NR3C1: variants seen among roughly 807,000 people sequenced by gnomAD.
The protein encoded by NR3C1 is nuclear receptor subfamily 3 group C member 1.
A neutral mutation model predicts 74.0 loss-of-function variants in NR3C1; 14 were observed. That is an observed-to-expected ratio of 0.19 (90% CI 0.12 to 0.30). NR3C1 has a LOEUF of 0.30. Ranked by LOEUF, NR3C1 falls within the 10% of genes least tolerant of loss-of-function variation. The probability of loss-of-function intolerance (pLI) is 1.00; values close to 1 mark genes in which losing one functional copy is unlikely to be tolerated. For missense variants in NR3C1, 695 were observed against 909.8 expected, an observed-to-expected ratio of 0.76 and a Z score of 3.04; for synonymous variants, 308 against 332.5, an observed-to-expected ratio of 0.93 and a Z score of 0.80.
chr5:143,333,721 T>C (rs1361720417), intron 2 of NR3C1, among the ~76,000 whole-genome samples: 1 of 152,080 alleles, frequency 6.6e-6, no homozygotes, highest in Non-Finnish European at 1.5e-5. Flanking sequence ...TGAGCCAAGA[T>C]TGCGCCAGTG....
chr5:143,280,584 G>A lies in NR3C1; in HGVS notation c.*1305C>T, dbSNP rs1812939266. 1 of 152,566 alleles carries A rather than the reference G, an allele frequency of 6.6e-6. No homozygotes were observed. The highest frequency in any genetic ancestry group is 2.1e-4 in the South Asian group (1 of 4,828). The allele number at this position is 152,566 out of a possible 1,614,324, so 9.5% of individuals were successfully genotyped here. On this transcript the variant is annotated 3_prime_UTR_variant, in exon 9 of 9. Coordinates refer to ENST00000394464, the MANE Select transcript of NR3C1 (RefSeq NM_000176.3). ...AACAGTGAAGAAATTCACAGGACTTGTGTTAAACTCTATGGCACACATTAG... is the reference window on the plus strand; with the variant it reads ...AACAGTGAAGAAATTCACAGGACTTATGTTAAACTCTATGGCACACATTAG...
At position 143,400,334 on chromosome 5, in the gene NR3C1, T is replaced by C; in HGVS notation, c.506A>G (p.His169Arg). The change falls in exon 2 of 9, where the codon CAT becomes CGT. Residue 169 changes from histidine (H) to arginine (R), a missense_variant. By Grantham distance (29) the His-to-Arg change is conservative. Transcript: ENST00000394464. ...THSDVSSEQQ[H>R]LKGQTGTNGG... ...GTTGGTGCCAGTCTGGCCCTTCAAA[T>C]GTTGCTGTTCTGAAGATACATCAGA... is the stretch of plus-strand genomic sequence containing the variant. The C allele has an allele frequency of 6.2e-7, 1 of 1,613,388 alleles. No homozygotes were observed. The highest frequency in any genetic ancestry group is 8.5e-7 in the Non-Finnish European group (1 of 1,179,516).
Position 143,285,154 on chromosome 5 carries a change from G to A in NR3C1, c.2024-2429C>T, listed in dbSNP as rs555538769. On this transcript the variant is annotated intron_variant, in intron 7 of 8. Coordinates refer to ENST00000394464, the MANE Select transcript of NR3C1 (RefSeq NM_000176.3). ...GCCTCCAGAAATCTGTACAGTCTTC[G>A]GCTGAATAAAAATTTGTGCATACTT... Among the ~76,000 whole-genome samples, 248 of 152,124 alleles carry A rather than the reference G, an allele frequency of 1.6e-3. 2 individuals are homozygous for A. Among genetic ancestry groups the A allele is most frequent in the Middle Eastern group, 0.01 (3 of 292 alleles).
chr5:143,408,829 C>T (rs1204963781), intron 1 of NR3C1, among the ~76,000 whole-genome samples: 1 of 152,064 alleles, frequency 6.6e-6, no homozygotes, highest in Non-Finnish European at 1.5e-5. Flanking sequence ...GAATAATTTT[C>T]GTGCAGATTT....
intron 2 of NR3C1, among the ~76,000 whole-genome samples, chr5:143,356,004 G>C (rs1382981679): frequency 6.6e-6 from 1 of 152,146 alleles, no homozygotes; most frequent in Non-Finnish European, 1.5e-5. Flanking sequence ...TAGAGACATA[G>C]AGTGTCTTTT....
chr5:143,343,637 C>T (rs1434948892), intron 2 of NR3C1, among the ~76,000 whole-genome samples: 1 of 152,226 alleles, frequency 6.6e-6, no homozygotes, highest in Admixed American at 6.5e-5. Flanking sequence ...ATATCCCTAA[C>T]CATCAGAATA....
Position 143,310,229 on chromosome 5 carries a change from G to A in NR3C1, c.1352-16C>T, listed in dbSNP as rs762445309. The stretch of plus-strand genomic sequence containing the variant: ...TTGTGCTGTCCTATATGGAATAAAA[G>A]GCACTATTAAAGTTTCACAGGTCTT... On this transcript the variant is annotated splice_polypyrimidine_tract_variant and intron_variant, in intron 3 of 8. Coordinates refer to ENST00000394464, the MANE Select transcript of NR3C1 (RefSeq NM_000176.3). 6.4e-7 allele frequency: 1 copy of A among 1,558,082 alleles called. No homozygotes were observed. The highest frequency in any genetic ancestry group is 2.2e-5 in the East Asian group (1 of 44,554).
intron 2 of NR3C1, among the ~76,000 whole-genome samples, chr5:143,376,277 G>A (rs1835173224): frequency 6.6e-6 from 1 of 152,230 alleles, no homozygotes; most frequent in Non-Finnish European, 1.5e-5. Flanking sequence ...CACAAATGCA[G>A]TTGGAACCAA....
At chr5:143,417,412 CTTA>C (rs1441264310) in intron 1 of NR3C1, among the ~76,000 whole-genome samples, 2 of 152,048 alleles carry the variant, frequency 1.3e-5, no homozygotes, top group Non-Finnish European at 2.9e-5. Context: ...CATTTATTTA[CTTA>C]TTAGGAGCTT....
intron 2 of NR3C1, among the ~76,000 whole-genome samples, chr5:143,356,603 T>C (rs1831185393): frequency 6.6e-6 from 1 of 152,100 alleles, no homozygotes; most frequent in Admixed American, 6.5e-5. Flanking sequence ...ATTTTGGAGT[T>C]TTGGTTCCTG....
At chr5:143,348,070 C>T (rs1829614261) in intron 2 of NR3C1, among the ~76,000 whole-genome samples, 1 of 152,166 alleles carries the variant, frequency 6.6e-6, no homozygotes, top group Admixed American at 6.5e-5. Flanking sequence ...CTTCAGTATT[C>T]ATCTCAGCTC....
At chr5:143,361,242 T>A (rs1053778687) in intron 2 of NR3C1, among the ~76,000 whole-genome samples, 1 of 152,204 alleles carries the variant, frequency 6.6e-6, no homozygotes, top group Non-Finnish European at 1.5e-5. Context: ...TTAACTTCAT[T>A]AGATTGAAAC....
rs373048228 is a variant in NR3C1 at position 143,313,751 on chromosome 5, T to G, written c.1351+251A>C. 3.5e-4 allele frequency among the ~76,000 whole-genome samples: 53 copies of G among 152,274 alleles called. No homozygotes were observed. In the South Asian group the frequency reaches 9.9e-3, roughly 29 times the overall value. The stretch of plus-strand genomic sequence containing the variant: ...CATTTCATATGATAGCACTTTCTTA[T>G]AGTGTTACCTTATGCTCCCTGACCA... On this transcript the variant is annotated intron_variant, in intron 3 of 8. Transcript: ENST00000394464.
chr5:143,435,052 A>T, exon 1 of NR3C1: 1 of 985,304 alleles, frequency 1.0e-6, no homozygotes, highest in Non-Finnish European at 1.2e-6. Flanking sequence ...ATATTCCCCC[A>T]GGCAGATCCT....
intron 1 of NR3C1, among the ~76,000 whole-genome samples, chr5:143,414,502 A>G (rs1183142781): frequency 6.6e-6 from 1 of 152,196 alleles, no homozygotes; most frequent in Non-Finnish European, 1.5e-5. Context: ...CCATCAGCAA[A>G]TAGTTATTGA....
intron 2 of NR3C1, among the ~76,000 whole-genome samples, chr5:143,368,092 T>G (rs1833578872): frequency 1.3e-5 from 2 of 152,184 alleles, no homozygotes; most frequent in Admixed American, 1.3e-4. Context: ...AGCCTATATA[T>G]TTATGGTCAG....
chr5:143,299,478 G>A (rs1004466274), intron 5 of NR3C1, among the ~76,000 whole-genome samples: 4 of 152,174 alleles, frequency 2.6e-5, no homozygotes, highest in Admixed American at 6.5e-5. Flanking sequence ...GGGATGAAGC[G>A]GGAATGGTTG....
At chr5:143,398,356 G>GTGTTTT (rs556234844) in intron 2 of NR3C1, among the ~76,000 whole-genome samples, 5 of 85,338 alleles carry the variant, frequency 5.9e-5, no homozygotes, top group Non-Finnish European at 8.3e-5. Context: ...AGGTTTTTTG[G>GTGTTTT]TTTTTTTTTT....
chr5:143,305,710 G>A (rs1819450843), intron 4 of NR3C1, among the ~76,000 whole-genome samples: 1 of 152,076 alleles, frequency 6.6e-6, no homozygotes, highest in South Asian at 2.1e-4. Context: ...ATAAAGATGG[G>A]AACAGACACT....
Sources: allele counts gnomAD v4.1 joint callset (sites outside exome capture counted in the v4.1 genomes callset), GRCh38; gene constraint gnomAD v4.1.1; transcripts MANE v1.5; gene names NCBI Gene and HGNC (gene_info 2026-07-23, HGNC 2026-07-21).